The following NSMCE4A variants were observed in gnomAD, a reference collection of about 807,000 sequenced individuals.
NSMCE4A encodes NSE4A component of SMC5/6 complex, also known as non-structural maintenance of chromosomes element 4 homolog A.
Under a neutral mutation model 47.9 loss-of-function variants are expected in NSMCE4A, and 40 were observed. That is an observed-to-expected ratio of 0.83 (90% CI 0.65 to 1.09). The LOEUF is 1.09. NSMCE4A is among the 50% of genes least tolerant of loss of function. NSMCE4A has a pLI of 0.00. For synonymous variants in NSMCE4A, 166 were observed against 178.5 expected (o/e 0.93, Z 0.56); for missense variants, 500 against 507.0 (o/e 0.99, Z 0.13).
In NSMCE4A at chr10:121,959,365, T is replaced by G. The variant is rs759587573; in HGVS notation, c.1129A>C (p.Ser377Arg). 1 of 1,614,138 alleles carries G rather than the reference T, an allele frequency of 6.2e-7. No individual in the cohort carries two copies. Among genetic ancestry groups the G allele is most frequent in the South Asian group, 1.1e-5 (1 of 91,090 alleles). ...FEISEPVITP[S>R]QRQQKPSA ...GCACTTGGCTTCTGCTGCCTCTGACTTGGAGTAATCACAGGCTCTGAAATC... is the reference window on the plus strand; with the variant it reads ...GCACTTGGCTTCTGCTGCCTCTGACGTGGAGTAATCACAGGCTCTGAAATC... Residue 377 changes from serine to arginine, a missense_variant, in exon 10 of 11, where the codon AGT becomes CGT. Transcript: ENST00000369023.
chr10:121,974,113 T>C, intron 1 of NSMCE4A, 32 bp from the exon 2 acceptor site: 1 of 1,546,264 alleles, frequency 6.5e-7, no homozygotes, highest in Non-Finnish European at 8.8e-7. Context: ...TTGGGAAATT[T>C]GTTCAGCATT....
At chr10:121,967,508 G>T in intron 4 of NSMCE4A, 147 bp downstream of exon 4, 1 of 853,322 alleles carries the variant, frequency 1.2e-6, no homozygotes, top group East Asian at 2.6e-5. Flanking sequence ...TAGTGTTTAT[G>T]AACTTTCATA....
Position 121,967,826 on chromosome 10 carries a change from C to A in NSMCE4A, c.502-20G>T. On this transcript the variant is annotated intron_variant, in intron 3 of 10. Transcript: ENST00000369023. ...TGTGAGCTACAAAAATGAAGGAAAA[C>A]AAAAAACCCAGTTAAGCCACATGCA... 1 of 1,594,560 alleles carries A rather than the reference C, an allele frequency of 6.3e-7. No individual in the cohort carries two copies.
intron 6 of NSMCE4A, chr10:121,962,064 G>T (rs1235062282): frequency 3.0e-5 from 11 of 371,966 alleles, no homozygotes; most frequent in South Asian, 2.1e-4. Context: ...GAGTTGAGAT[G>T]GTGCCACTGC....
intron 6 of NSMCE4A, chr10:121,962,094 A>T (rs1197925708): frequency 2.7e-6 from 1 of 376,692 alleles, no homozygotes; most frequent in South Asian, 1.8e-5. Context: ...TGGGCGAAAG[A>T]GTGAGACTGT....
Position 121,959,412 on chromosome 10 carries a change from T to C in NSMCE4A, c.1084-2A>G. 6.2e-7 allele frequency: 1 copy of C among 1,614,112 alleles called. No homozygotes were observed. The highest frequency in any genetic ancestry group is 8.5e-7 in the Non-Finnish European group (1 of 1,179,928). On this transcript the variant is annotated splice_acceptor_variant, in intron 9 of 10. Coordinates refer to ENST00000369023, the MANE Select transcript of NSMCE4A (RefSeq NM_017615.3). LOFTEE classifies it high-confidence loss of function. ...AATCTCAAAGGTCTTCACAATCTCC[T>C]GGCAGACAATAATGAACATTTAGGC...
At chr10:121,958,152 G>A (rs368424009) in intron 10 of NSMCE4A, among the ~76,000 whole-genome samples, 1 of 152,008 alleles carries the variant, frequency 6.6e-6, no homozygotes, top group Admixed American at 6.6e-5. Context: ...TGCTTGAACC[G>A]GGGAGGCAGA....
intron 6 of NSMCE4A, chr10:121,961,739 G>A: frequency 2.3e-6 from 1 of 431,782 alleles, no homozygotes; most frequent in Non-Finnish European, 4.1e-6. Flanking sequence ...AAATACAAGT[G>A]TAACTGCACA....
At position 121,963,243 on chromosome 10, in the gene NSMCE4A, T is replaced by G; in HGVS notation, c.839A>C (p.Glu280Ala). 6.2e-7 allele frequency: 1 copy of G among 1,601,008 alleles called. No homozygotes were observed. Among genetic ancestry groups the G allele is most frequent in the East Asian group, 2.2e-5 (1 of 44,806 alleles). ...TTGAATGGTGTTACACTTACGATCTTCTCGAAAATATGTCTGCAACAATCC... is the reference window on the plus strand; with the variant it reads ...TTGAATGGTGTTACACTTACGATCTGCTCGAAAATATGTCTGCAACAATCC... ...ILGLLQTYFREDPDTPMSFFD... is the reference protein window; with the variant it reads ...ILGLLQTYFRADPDTPMSFFD... Residue 280 changes from glutamate (E) to alanine (A), a missense_variant, in exon 6 of 11, where the codon GAA becomes GCA. Glu to Ala is a moderately radical substitution (Grantham distance 107, BLOSUM62 -1). Transcript: ENST00000369023.
At chr10:121,957,725 C>T (rs974829608) in intron 10 of NSMCE4A, among the ~76,000 whole-genome samples, 6 of 152,042 alleles carry the variant, frequency 3.9e-5, no homozygotes, top group African/African-American at 9.6e-5. Flanking sequence ...TGAGCCACTG[C>T]GCCCGGCCTA....
chr10:121,958,023 T>C (rs1203188864), intron 10 of NSMCE4A, among the ~76,000 whole-genome samples: 1 of 149,202 alleles, frequency 6.7e-6, no homozygotes, highest in Non-Finnish European at 1.5e-5. Flanking sequence ...AGGTCAGGAG[T>C]TCAAGACCAG....
Position 121,974,983 on chromosome 10 carries a change from C to G in NSMCE4A, c.183G>C (p.Ser61=). The change falls in exon 1 of 11, where the codon TCG becomes TCC. Residue 61 remains serine (S), a synonymous_variant. Coordinates refer to ENST00000369023, the MANE Select transcript of NSMCE4A (RefSeq NM_017615.3). Reference sequence around the variant, plus strand: ...GGTCCATCATCTCGTCCCCGGAATCCGACGGCTCTGTGTCCTCCAGGCTCG... The same window carrying G: ...GGTCCATCATCTCGTCCCCGGAATCGGACGGCTCTGTGTCCTCCAGGCTCG... ...ERPSLEDTEP[S]DSGDEMMDPA... 8 of 1,524,014 alleles carry G rather than the reference C, an allele frequency of 5.2e-6. No homozygotes were observed. The highest frequency in any genetic ancestry group is 7.0e-6 in the Non-Finnish European group (8 of 1,138,312). The allele number at this position is 1,524,014 out of a possible 1,614,324, so 94.4% of individuals were successfully genotyped here. A position where few individuals can be genotyped will look rare whatever the true frequency, so the allele number is the denominator to read the frequency against.
At chr10:121,958,924 C>A (rs1216008287) in intron 10 of NSMCE4A, among the ~76,000 whole-genome samples, 1 of 151,806 alleles carries the variant, frequency 6.6e-6, no homozygotes. Flanking sequence ...AAGCAATTCT[C>A]CTGCCTCAGC....
chr10:121,958,684 G>A (rs1196062132), intron 10 of NSMCE4A, among the ~76,000 whole-genome samples: 1 of 152,130 alleles, frequency 6.6e-6, no homozygotes, highest in East Asian at 1.9e-4. Flanking sequence ...GCTGAGATGG[G>A]AGCATCCCTT....
chr10:121,974,973 C>G lies in NSMCE4A; in HGVS notation c.193G>C (p.Asp65His). The G allele has an allele frequency of 6.6e-7, 1 of 1,526,684 alleles. No homozygotes were observed. The highest frequency in any genetic ancestry group is 2.0e-5 in the Admixed American group (1 of 49,426). The allele number at this position is 1,526,684 out of a possible 1,614,324, so 94.6% of individuals were successfully genotyped here. ...LEDTEPSDSG[D>H]EMMDPASLEA... ...AAGCTGGCCGGGTCCATCATCTCGT[C>G]CCCGGAATCCGACGGCTCTGTGTCC... is the stretch of plus-strand genomic sequence containing the variant. The change falls in exon 1 of 11, where the codon GAC becomes CAC. Residue 65 changes from aspartate to histidine, a missense_variant. Physicochemically the swap from Asp to His is moderately conservative, Grantham distance 81. Coordinates refer to ENST00000369023, the MANE Select transcript of NSMCE4A (RefSeq NM_017615.3).
intron 3 of NSMCE4A, among the ~76,000 whole-genome samples, chr10:121,969,905 G>A (rs1421564770): frequency 1.3e-5 from 2 of 151,940 alleles, no homozygotes; most frequent in Non-Finnish European, 1.5e-5. Context: ...TAGTAGAGAC[G>A]GGCTTTCACC....
chr10:121,974,710 T>C (rs1952783978), intron 1 of NSMCE4A, 164 bp downstream of exon 1: 2 of 1,128,452 alleles, frequency 1.8e-6, no homozygotes, highest in Admixed American at 4.9e-5. Flanking sequence ...GAGCACTTTG[T>C]CAACAATTTA....
At chr10:121,963,743 G>C (rs930702063) in intron 5 of NSMCE4A, among the ~76,000 whole-genome samples, 6 of 152,088 alleles carry the variant, frequency 3.9e-5, no homozygotes, top group African/African-American at 1.4e-4. Context: ...AGCCAGGTGT[G>C]GTGACAGGCG....
intron 1 of NSMCE4A, 174 bp downstream of exon 1, chr10:121,974,700 G>A (rs1952783637): frequency 1.8e-6 from 2 of 1,121,864 alleles, no homozygotes; most frequent in Non-Finnish European, 2.2e-6. Context: ...CACAAAGTGG[G>A]AGCACTTTGT....
Sources: allele counts gnomAD v4.1 joint callset (sites outside exome capture counted in the v4.1 genomes callset), GRCh38; gene constraint gnomAD v4.1.1; transcripts MANE v1.5; gene names NCBI Gene and HGNC (gene_info 2026-07-23, HGNC 2026-07-21).